The following RBFOX3 variants were observed in gnomAD, a reference collection of about 807,000 sequenced individuals.
RBFOX3 encodes RNA binding protein fox-1 homolog 3.
RBFOX3 carries 17 observed loss-of-function variants against 48.7 expected under a neutral mutation model. The observed-to-expected ratio is 0.35, with a 90% CI of 0.24 to 0.52. RBFOX3 has a LOEUF of 0.52. RBFOX3 is among the 20% of genes least tolerant of loss of function. The probability of loss-of-function intolerance (pLI) is 0.94; values close to 1 mark genes in which losing one functional copy is unlikely to be tolerated. For synonymous variants in RBFOX3, 212 were observed against 209.5 expected (o/e 1.01, Z -0.10); for missense variants, 382 against 497.5 (o/e 0.77, Z 2.21).
intron 1 of RBFOX3, among the ~76,000 whole-genome samples, chr17:79,519,178 A>G: frequency 6.6e-6 from 1 of 152,224 alleles, no homozygotes; most frequent in Non-Finnish European, 1.5e-5. Context: ...GCCAGTTTCT[A>G]TTCTGCTTCT....
intron 4 of RBFOX3, among the ~76,000 whole-genome samples, chr17:79,175,775 G>C (rs1018691930): frequency 1.3e-5 from 2 of 152,244 alleles, no homozygotes; most frequent in Admixed American, 6.5e-5. Context: ...GCCTGGATTG[G>C]TGGTGGGCAG....
In RBFOX3 at chr17:79,608,382, A is replaced by T. The variant is rs1037337132; in HGVS notation, c.-320+2444T>A. Among the ~76,000 whole-genome samples, 19 of 152,260 alleles carry T rather than the reference A, an allele frequency of 1.2e-4. No homozygotes were observed. In the East Asian group the frequency reaches 3.5e-3, roughly 28 times the overall value. On this transcript the variant is annotated intron_variant, in intron 1 of 14. Coordinates refer to ENST00000693108, the MANE Select transcript of RBFOX3 (RefSeq NM_001350451.2). ...TGGCTCCTCCTGGCACCCAGAGGCG[A>T]CCCGAGGTCCCCGGGGTGGGCACGG...
rs1024992674 is a variant in RBFOX3, at chr17:79,220,207, C to G, written c.-34+15559G>C. Among the ~76,000 whole-genome samples, 1 of 152,158 alleles carries G rather than the reference C, an allele frequency of 6.6e-6. No homozygotes were observed. The highest frequency in any genetic ancestry group is 6.5e-5 in the Admixed American group (1 of 15,282). ...CAAAAATACATCATCATTTCGGAAC[C>G]GCGGCTCCACAGCAGGCTCCCGGGG... On this transcript the variant is annotated intron_variant, in intron 4 of 14. Transcript: ENST00000693108. This position sits in a 1 kb window ranked among gnomAD's most constrained non-coding sequence, Gnocchi z 5.9.
rs567680214 is a variant in RBFOX3, at chr17:79,410,757, G to A, written c.-175+71697C>T. Reference sequence around the variant, plus strand: ...AGTGGCACATGCACGCCCAGGTCAGGCGGTGCCTCCTGCCTCCTGCTTCCT... The same window carrying A: ...AGTGGCACATGCACGCCCAGGTCAGACGGTGCCTCCTGCCTCCTGCTTCCT... On this transcript the variant is annotated intron_variant, in intron 2 of 14. Coordinates refer to ENST00000693108, the MANE Select transcript of RBFOX3 (RefSeq NM_001350451.2). Among the ~76,000 whole-genome samples the A allele has an allele frequency of 9.9e-5, 15 of 152,252 alleles. No individual in the cohort carries two copies. In the East Asian group the frequency reaches 1.7e-3, roughly 18 times the overall value.
intron 2 of RBFOX3, among the ~76,000 whole-genome samples, chr17:79,378,588 G>A (rs184082979): frequency 4.1e-4 from 62 of 152,224 alleles, no homozygotes; most frequent in African/African-American, 1.4e-3. Context: ...GGCTGAGCCC[G>A]GGACAGAACC....
intron 1 of RBFOX3, among the ~76,000 whole-genome samples, chr17:79,544,921 A>C (rs1257502125): frequency 1.3e-5 from 2 of 151,794 alleles, no homozygotes; most frequent in Admixed American, 6.6e-5. Flanking sequence ...AAGGGATAAA[A>C]AATAACATAA....
intron 4 of RBFOX3, among the ~76,000 whole-genome samples, chr17:79,183,889 C>T (rs1282301444): frequency 6.6e-6 from 1 of 152,148 alleles, no homozygotes; most frequent in Non-Finnish European, 1.5e-5. Context: ...CTCCCACGCT[C>T]GGGCCCCTGC....
chr17:79,532,201 G>C lies in RBFOX3; in HGVS notation c.-319-49603C>G, dbSNP rs908366002. Among the ~76,000 whole-genome samples the C allele has an allele frequency of 2.8e-3, 427 of 152,268 alleles. 3 individuals are homozygous for C. The highest frequency in any genetic ancestry group is 0.011 in the South Asian group (55 of 4,828). On this transcript the variant is annotated intron_variant, in intron 1 of 14. Coordinates refer to ENST00000693108, the MANE Select transcript of RBFOX3 (RefSeq NM_001350451.2). The stretch of plus-strand genomic sequence containing the variant: ...CTGAATGTGAATAACTGCACTGGAG[G>C]GGGGAGGGGAGGAGGAAGAATGAGG...
chr17:79,179,734 C>T (rs563766193), intron 4 of RBFOX3, among the ~76,000 whole-genome samples: 1 of 152,310 alleles, frequency 6.6e-6, no homozygotes, highest in South Asian at 2.1e-4. Flanking sequence ...TCCACTGGAT[C>T]CCAGGCCAGG....
intron 4 of RBFOX3, among the ~76,000 whole-genome samples, chr17:79,143,929 G>A (rs932708628): frequency 6.6e-6 from 1 of 152,212 alleles, no homozygotes; most frequent in African/African-American, 2.4e-5. Context: ...TTAACTGCAG[G>A]CCAGGACGGA....
chr17:79,255,077 T>C (rs1390338606), intron 3 of RBFOX3, among the ~76,000 whole-genome samples: 8 of 152,172 alleles, frequency 5.3e-5, no homozygotes, highest in Non-Finnish European at 1.2e-4. Context: ...CTCCCCTCCT[T>C]AGCCAACTCC....
At chr17:79,273,999 G>T (rs2068241957) in intron 3 of RBFOX3, among the ~76,000 whole-genome samples, 1 of 152,186 alleles carries the variant, frequency 6.6e-6, no homozygotes, top group African/African-American at 2.4e-5. Context: ...TTAGTGTCCA[G>T]CGCCACCCTG....
chr17:79,530,074 C>A (rs2087479878), intron 1 of RBFOX3, among the ~76,000 whole-genome samples: 1 of 152,218 alleles, frequency 6.6e-6, no homozygotes. Flanking sequence ...CCAGCGTGAA[C>A]TTCCACAAAG....
chr17:79,244,728 T>C (rs1447344926), intron 3 of RBFOX3, among the ~76,000 whole-genome samples: 1 of 142,574 alleles, frequency 7.0e-6, no homozygotes, highest in African/African-American at 2.5e-5. Flanking sequence ...CTTTCCTCTT[T>C]CTTCTCCCAT....
chr17:79,154,670 C>G (rs143932879), intron 4 of RBFOX3, among the ~76,000 whole-genome samples: 1 of 152,178 alleles, frequency 6.6e-6, no homozygotes, highest in South Asian at 2.1e-4. Context: ...CCCACGTGGC[C>G]GGGAGACTGG....
In RBFOX3 at chr17:79,477,352, C is replaced by T. The variant is rs370111938; in HGVS notation, c.-175+5102G>A. On this transcript the variant is annotated intron_variant, in intron 2 of 14. Coordinates refer to ENST00000693108, the MANE Select transcript of RBFOX3 (RefSeq NM_001350451.2). This position sits in a 1 kb window ranked among gnomAD's most constrained non-coding sequence, Gnocchi z 4.8. ...CAGGTGGATCACGAGGTCAGGAGAT[C>T]GAGATCATCCTGGCTAACACGGTGA... 4.3e-4 allele frequency among the ~76,000 whole-genome samples: 65 copies of T among 150,542 alleles called. No homozygotes were observed. Among genetic ancestry groups the T allele is most frequent in the East Asian group, 2.0e-3 (10 of 5,124 alleles).
chr17:79,506,417 T>C (rs1407730413), intron 1 of RBFOX3, among the ~76,000 whole-genome samples: 2 of 152,174 alleles, frequency 1.3e-5, no homozygotes, highest in Admixed American at 6.5e-5. Context: ...CGAGCGGCCA[T>C]CTGTCTGTTG....
chr17:79,237,449 G>A (rs1018943556), intron 3 of RBFOX3, among the ~76,000 whole-genome samples: 4 of 152,230 alleles, frequency 2.6e-5, no homozygotes, highest in African/African-American at 9.6e-5. Flanking sequence ...TGAAGCGACT[G>A]TGGCCACAGT....
At chr17:79,266,883 G>T (rs959835378) in intron 3 of RBFOX3, among the ~76,000 whole-genome samples, 4 of 152,094 alleles carry the variant, frequency 2.6e-5, no homozygotes, top group Admixed American at 1.3e-4. Flanking sequence ...TAGGAGCTCC[G>T]CGCTCCTGCT....
Sources: allele counts gnomAD v4.1 joint callset (sites outside exome capture counted in the v4.1 genomes callset), GRCh38; gene constraint gnomAD v4.1.1; non-coding constraint Gnocchi (gnomAD v3.1); transcripts MANE v1.5; gene names NCBI Gene and HGNC (gene_info 2026-07-23, HGNC 2026-07-21).